Variants in CHN1 observed in about 807,000 individuals in gnomAD.
CHN1 encodes chimerin 1.
In CHN1, 37 loss-of-function variants were observed where a neutral mutation model predicts 59.5. That is an observed-to-expected ratio of 0.62 (90% CI 0.48 to 0.82). The LOEUF is 0.82. Among genes scored for constraint, CHN1 ranks in the 40% least tolerant of loss-of-function variants. The pLI, the probability that CHN1 is intolerant of heterozygous loss-of-function variation, is 0.00. For missense variants in CHN1, 469 were observed against 571.0 expected, an observed-to-expected ratio of 0.82 and a Z score of 1.82; for synonymous variants, 206 against 200.4, an observed-to-expected ratio of 1.03 and a Z score of -0.24.
chr2:174,852,104 CCT>C (rs1210632807), intron 6 of CHN1, among the ~76,000 whole-genome samples: 1 of 145,308 alleles, frequency 6.9e-6, no homozygotes, highest in Admixed American at 7.3e-5. Context: ...TGATGAAACC[CCT>C]TTTTTTCCTC....
intron 5 of CHN1, among the ~76,000 whole-genome samples, chr2:174,881,466 G>C (rs984206578): frequency 6.6e-5 from 10 of 152,112 alleles, no homozygotes; most frequent in African/African-American, 2.4e-4. Flanking sequence ...CTAAAAAATA[G>C]GAATAACATC....
intron 3 of CHN1, 50 bp downstream of exon 3, chr2:174,944,838 G>C (rs372395862): frequency 3.2e-4 from 438 of 1,375,068 alleles, no homozygotes; most frequent in Non-Finnish European, 4.3e-4. Flanking sequence ...GAAAGTTTGG[G>C]AAACAGATGG....
At chr2:174,936,594 GAAAAT>G (rs1689503935) in intron 3 of CHN1, among the ~76,000 whole-genome samples, 1 of 151,868 alleles carries the variant, frequency 6.6e-6, no homozygotes. Context: ...TTACACAATA[GAAAAT>G]AATAGTATAT....
chr2:174,979,609 T>C (rs1020353939), intron 1 of CHN1, among the ~76,000 whole-genome samples: 3 of 151,990 alleles, frequency 2.0e-5, no homozygotes, highest in Non-Finnish European at 4.4e-5. Flanking sequence ...GGTCAAGAGA[T>C]TGAGACCATC....
intron 5 of CHN1, among the ~76,000 whole-genome samples, chr2:174,892,203 C>G (rs1196406222): frequency 1.3e-5 from 2 of 152,166 alleles, no homozygotes; most frequent in African/African-American, 4.8e-5. Flanking sequence ...TTCTCAAACT[C>G]TTCTAAAAAT....
intron 5 of CHN1, among the ~76,000 whole-genome samples, chr2:174,905,698 G>A (rs548767431): frequency 9.2e-5 from 14 of 152,062 alleles, no homozygotes; most frequent in African/African-American, 3.4e-4. Flanking sequence ...CTGAGAAGCT[G>A]GGACTACAGC....
chr2:174,812,217 A>C, intron 9 of CHN1, 92 bp downstream of exon 9: 28 of 1,021,322 alleles, frequency 2.7e-5, no homozygotes, highest in South Asian at 5.5e-5. Context: ...TACAGAAGAC[A>C]ACCGTATTGT....
chr2:174,864,696 C>A (rs1436284282), intron 6 of CHN1, among the ~76,000 whole-genome samples: 1 of 151,960 alleles, frequency 6.6e-6, no homozygotes, highest in Non-Finnish European at 1.5e-5. Context: ...TATGGCAAAA[C>A]CCCATCGCTA....
At chr2:174,879,712 C>G (rs1687676020) in intron 5 of CHN1, among the ~76,000 whole-genome samples, 1 of 152,110 alleles carries the variant, frequency 6.6e-6, no homozygotes, top group Non-Finnish European at 1.5e-5. Context: ...CAATAATAAA[C>G]ACACATAGCA....
intron 6 of CHN1, among the ~76,000 whole-genome samples, chr2:174,863,625 C>T (rs1687129893): frequency 6.6e-6 from 1 of 151,950 alleles, no homozygotes; most frequent in South Asian, 2.1e-4. Flanking sequence ...CCCACATAAA[C>T]AAAAGCTCTT....
chr2:174,929,189 C>A (rs1448355541), intron 3 of CHN1, among the ~76,000 whole-genome samples: 1 of 152,166 alleles, frequency 6.6e-6, no homozygotes, highest in Non-Finnish European at 1.5e-5. Flanking sequence ...CTTCAGCATG[C>A]CAAATAAGTT....
chr2:174,809,269 A>G (rs555583907), intron 10 of CHN1, among the ~76,000 whole-genome samples: 186 of 152,270 alleles, frequency 1.2e-3, no homozygotes, highest in African/African-American at 4.4e-3. Flanking sequence ...TAAACTCCCC[A>G]GTTATTAATA....
chr2:174,847,223 C>T, intron 6 of CHN1: 1 of 1,453,474 alleles, frequency 6.9e-7, no homozygotes, highest in Non-Finnish European at 9.1e-7. Context: ...CCAGGCAGCA[C>T]AGAACCCTAA....
chr2:174,952,310 G>T, intron 1 of CHN1, 108 bp from the exon 2 acceptor site: 1 of 708,316 alleles, frequency 1.4e-6, no homozygotes, highest in Non-Finnish European at 2.2e-6. Flanking sequence ...ATTTGTTCTA[G>T]GTATTGTGCT....
intron 6 of CHN1, among the ~76,000 whole-genome samples, chr2:174,871,062 AC>A (rs1455172711): frequency 2.0e-5 from 3 of 151,968 alleles, no homozygotes; most frequent in Admixed American, 6.6e-5. Context: ...TGAGATTCAC[AC>A]AAATAATTTC....
At chr2:174,851,311 A>G (rs897741769) in intron 6 of CHN1, among the ~76,000 whole-genome samples, 1 of 151,896 alleles carries the variant, frequency 6.6e-6, no homozygotes, top group African/African-American at 2.4e-5. Context: ...ACAAGGTCTC[A>G]CTCTATTGCC....
At position 174,875,255 on chromosome 2, in the gene CHN1, C is replaced by G. The variant is rs185786337; in HGVS notation, c.549+2585G>C. ...CCCTTTCTGCAGTATTTATTAAAAT[C>G]CTGTATAATTATTGTTTTGTAGAAA... On this transcript the variant is annotated intron_variant, in intron 6 of 12. Coordinates refer to ENST00000409900, the MANE Select transcript of CHN1 (RefSeq NM_001822.7). Among the ~76,000 whole-genome samples, 133 of 152,268 alleles carry G rather than the reference C, an allele frequency of 8.7e-4. 1 individual carries two copies. Among genetic ancestry groups the G allele is most frequent in the African/African-American group, 3.0e-3 (123 of 41,542 alleles).
rs55709131 is a variant in CHN1, at chr2:174,993,656, T to A, written c.19+11238A>T. On this transcript the variant is annotated intron_variant, in intron 1 of 12. Transcript: ENST00000409900. ...AAAGAAAGAAAAAGGCTTTACCATATGGAATGGCAAATCACAGCTACAATC... is the reference window on the plus strand; with the variant it reads ...AAAGAAAGAAAAAGGCTTTACCATAAGGAATGGCAAATCACAGCTACAATC... 5.7e-3 allele frequency among the ~76,000 whole-genome samples: 857 copies of A among 149,508 alleles called. 8 individuals are homozygous for A. Among genetic ancestry groups the A allele is most frequent in the African/African-American group, 0.02 (809 of 40,832 alleles).
chr2:174,934,522 C>G (rs1477830490), intron 3 of CHN1, among the ~76,000 whole-genome samples: 7 of 152,158 alleles, frequency 4.6e-5, no homozygotes, highest in Non-Finnish European at 7.3e-5. Context: ...CAAGACGGTA[C>G]CAGTCTGTGG....
Sources: gnomAD v4.1 joint callset for allele counts (sites outside exome capture counted in the v4.1 genomes callset) on GRCh38, gnomAD v4.1.1 for gene constraint, MANE v1.5 for transcripts, NCBI Gene and HGNC (gene_info 2026-07-23, HGNC 2026-07-21) for gene names.